The following KANSL1L variants were observed in gnomAD, a reference collection of about 807,000 sequenced individuals.
KANSL1L encodes the protein KAT8 regulatory NSL complex subunit 1-like protein.
Under a neutral mutation model 108.6 loss-of-function variants are expected in KANSL1L, and 25 were observed. That is an observed-to-expected ratio of 0.23 (90% confidence interval 0.17 to 0.32). The LOEUF (loss-of-function observed/expected upper bound fraction) is 0.32. Among genes scored for constraint, KANSL1L ranks in the 10% least tolerant of loss-of-function variants. The probability of loss-of-function intolerance (pLI) is 1.00; values close to 1 mark genes in which losing one functional copy is unlikely to be tolerated. For missense variants in KANSL1L, 1,137 were observed against 1,125.7 expected, an observed-to-expected ratio of 1.01 and a Z score of -0.14; for synonymous variants, 405 against 395.1, an observed-to-expected ratio of 1.03 and a Z score of -0.30.
intron 7 of KANSL1L, among the ~76,000 whole-genome samples, chr2:210,041,933 A>G (rs985095575): frequency 6.6e-6 from 1 of 152,244 alleles, no homozygotes; most frequent in Non-Finnish European, 1.5e-5. Context: ...AAATTAGGTG[A>G]CAAAATGAAA....
At chr2:210,122,114 A>G (rs1309409385) in intron 3 of KANSL1L, among the ~76,000 whole-genome samples, 1 of 152,166 alleles carries the variant, frequency 6.6e-6, no homozygotes, top group Non-Finnish European at 1.5e-5. Flanking sequence ...GTACCCAACG[A>G]AATCTACAGA....
At chr2:210,111,016 G>T (rs1232635602) in intron 3 of KANSL1L, among the ~76,000 whole-genome samples, 3 of 152,114 alleles carry the variant, frequency 2.0e-5, no homozygotes, top group African/African-American at 7.2e-5. Flanking sequence ...GGAAGCTGAG[G>T]CGGGAGGATC....
At chr2:210,123,260 A>G (rs1377969107) in intron 3 of KANSL1L, among the ~76,000 whole-genome samples, 2 of 152,226 alleles carry the variant, frequency 1.3e-5, no homozygotes, top group Non-Finnish European at 2.9e-5. Context: ...TATTCACAAT[A>G]ACCAAGATTT....
intron 6 of KANSL1L, chr2:210,064,214 G>A (rs2094446145): frequency 6.6e-6 from 1 of 152,206 alleles, no homozygotes; most frequent in Admixed American, 6.5e-5. Context: ...AGAACTGTAA[G>A]TCCATTAAAT....
chr2:210,152,005 A>C (rs2095306894), intron 2 of KANSL1L: 1 of 152,322 alleles, frequency 6.6e-6, no homozygotes, highest in African/African-American at 2.4e-5. Flanking sequence ...GTTCAGGGGT[A>C]CAAGTGCAGG....
rs540766907 is a variant in KANSL1L at position 210,137,536 on chromosome 2, T to A, written c.1089-8364A>T. Among the ~76,000 whole-genome samples, 18 of 152,358 alleles carry A rather than the reference T, an allele frequency of 1.2e-4. No homozygotes were observed. The East Asian group carries it at 1.3e-3, about 11-fold the overall frequency. ...TAACAGAATGAATTACATACATTTT[T>A]AAAATATTACTAGACATTAAATGAA... On this transcript the variant is annotated intron_variant, in intron 2 of 14. Transcript: ENST00000281772.
intron 13 of KANSL1L, among the ~76,000 whole-genome samples, chr2:210,024,708 T>G (rs2093911726): frequency 6.6e-6 from 1 of 152,128 alleles, no homozygotes; most frequent in African/African-American, 2.4e-5. Flanking sequence ...TCTTGAGAAA[T>G]TTTTTATTTT....
chr2:210,081,021 C>T (rs1395126799), intron 5 of KANSL1L, among the ~76,000 whole-genome samples: 2 of 151,894 alleles, frequency 1.3e-5, no homozygotes, highest in Non-Finnish European at 2.9e-5. Context: ...GCATGAGAAT[C>T]GCGTGAACCA....
intron 6 of KANSL1L, among the ~76,000 whole-genome samples, chr2:210,073,683 G>C (rs530039158): frequency 1.3e-5 from 2 of 151,718 alleles, no homozygotes; most frequent in Non-Finnish European, 2.9e-5. Context: ...TGGTTCTCAA[G>C]ACTTTCCATA....
chr2:210,029,818 G>C lies in KANSL1L; in HGVS notation c.2256C>G (p.Ile752Met). Reference protein sequence around the residue: ...AVSNVNVLSRIQNSSRNTARR... With the variant: ...AVSNVNVLSRMQNSSRNTARR... ...AAAAACCTACTCGTGATGAATTCTGGATTCTTGATAAAACGTTGACATTGG... is the reference window on the plus strand; with the variant it reads ...AAAAACCTACTCGTGATGAATTCTGCATTCTTGATAAAACGTTGACATTGG... The change falls in exon 10 of 15, where the codon ATC becomes ATG. Residue 752 changes from isoleucine (I) to methionine (M), a missense_variant. Physicochemically the swap from Ile to Met is conservative, Grantham distance 10 (BLOSUM62 1). Around this residue, in one of 3 missense-constraint regions of KANSL1L, gnomAD observed 575 missense variants for 567.1 expected, o/e 1.01. Transcript: ENST00000281772. 1.9e-6 allele frequency: 3 copies of C among 1,579,482 alleles called. No homozygotes were observed. Among genetic ancestry groups the C allele is most frequent in the Non-Finnish European group, 2.6e-6 (3 of 1,150,964 alleles).
At chr2:210,063,872 G>A (rs946812230) in intron 6 of KANSL1L, 1 of 152,164 alleles carries the variant, frequency 6.6e-6, no homozygotes, top group Non-Finnish European at 1.5e-5. Flanking sequence ...TAAGACTTTG[G>A]GGGACTGCTG....
At chr2:210,106,403 C>T (rs2094846872) in intron 3 of KANSL1L, among the ~76,000 whole-genome samples, 1 of 152,080 alleles carries the variant, frequency 6.6e-6, no homozygotes, top group Admixed American at 6.6e-5. Flanking sequence ...ATTTCCAAAC[C>T]TTTAGAATAC....
intron 3 of KANSL1L, among the ~76,000 whole-genome samples, chr2:210,125,544 A>G (rs2095058555): frequency 1.3e-5 from 2 of 152,218 alleles, no homozygotes; most frequent in Non-Finnish European, 2.9e-5. Context: ...TATCCCTTGT[A>G]AATACTGATA....
At chr2:210,071,163 T>A (rs2125313371) in intron 6 of KANSL1L, among the ~76,000 whole-genome samples, 1 of 152,194 alleles carries the variant, frequency 6.6e-6, no homozygotes, top group African/African-American at 2.4e-5. Context: ...TCTTTGGTGT[T>A]CCTTGGCTTG....
chr2:210,131,573 T>C (rs1034002253), intron 2 of KANSL1L, among the ~76,000 whole-genome samples: 2 of 152,096 alleles, frequency 1.3e-5, no homozygotes, highest in Admixed American at 1.3e-4. Context: ...GATACTCAAG[T>C]TAGGATTACA....
intron 3 of KANSL1L, among the ~76,000 whole-genome samples, chr2:210,115,697 T>G (rs1332396462): frequency 6.6e-6 from 1 of 152,212 alleles, no homozygotes; most frequent in Non-Finnish European, 1.5e-5. Flanking sequence ...CCCCTGAATT[T>G]GCACATGCAA....
At chr2:210,138,310 T>C (rs1460915063) in intron 2 of KANSL1L, among the ~76,000 whole-genome samples, 1 of 151,832 alleles carries the variant, frequency 6.6e-6, no homozygotes, top group Non-Finnish European at 1.5e-5. Flanking sequence ...CACTGGGGAC[T>C]AATGGAGGGG....
chr2:210,029,016 G>A, intron 10 of KANSL1L, 47 bp from the exon 11 acceptor site: 3 of 1,467,148 alleles, frequency 2.0e-6, no homozygotes, highest in African/African-American at 1.4e-5. Flanking sequence ...CTAGTTACTT[G>A]TAATGATACC....
chr2:210,091,861 C>CT (rs1279508254), intron 5 of KANSL1L, among the ~76,000 whole-genome samples: 2 of 152,118 alleles, frequency 1.3e-5, no homozygotes, highest in Admixed American at 6.5e-5. Flanking sequence ...GTCTACTAGT[C>CT]TACTCTCCCA....
Sources: gnomAD v4.1 joint callset for allele counts (sites outside exome capture counted in the v4.1 genomes callset) on GRCh38, gnomAD v4.1.1 for gene constraint, gnomAD v4.1.1 regional missense constraint, MANE v1.5 for transcripts, NCBI Gene and HGNC (gene_info 2026-07-23, HGNC 2026-07-21) for gene names.